Variants in TSHR observed in about 807,000 individuals in gnomAD.
TSHR encodes thyrotropin receptor.
A neutral mutation model predicts 64.1 loss-of-function variants in TSHR; 51 were observed. The observed-to-expected ratio is 0.80, with a 90% CI of 0.64 to 1.01. The LOEUF is 1.01. Ranked by LOEUF, TSHR falls within the 50% of genes least tolerant of loss-of-function variation. TSHR has a pLI of 0.00. For synonymous variants in TSHR, 361 were observed against 361.9 expected (o/e 1.00, Z 0.03); for missense variants, 877 against 942.8 (o/e 0.93, Z 0.91).
chr14:81,039,169 C>T (rs1884800359), intron 1 of TSHR, among the ~76,000 whole-genome samples: 1 of 151,838 alleles, frequency 6.6e-6, no homozygotes, highest in Non-Finnish European at 1.5e-5. Context: ...GAGAGTTCAC[C>T]ATGACCAACT....
At chr14:80,980,858 A>G (rs1342350508) in intron 1 of TSHR, among the ~76,000 whole-genome samples, 1 of 152,100 alleles carries the variant, frequency 6.6e-6, no homozygotes, top group African/African-American at 2.4e-5. Flanking sequence ...ATATATTTCC[A>G]GGCCACTATT....
intron 3 of TSHR, 191 bp from the exon 4 acceptor site, chr14:81,087,763 G>A: frequency 1.5e-6 from 1 of 650,230 alleles, no homozygotes; most frequent in Non-Finnish European, 2.8e-6. Context: ...GCAGCCATTG[G>A]GTCCCCGTGA....
In TSHR at chr14:81,092,483, G is replaced by A. The variant is rs548570734; in HGVS notation, c.468-48G>A. ...TATGCGCAGCAAGACCCCTGCTGCA[G>A]AAGGAAAGCATTTTTTCATTAAGTG... On this transcript the variant is annotated intron_variant, in intron 5 of 9. Transcript: ENST00000298171. The A allele has an allele frequency of 7.7e-6, 12 of 1,567,296 alleles. No homozygotes were observed. In the Admixed American group the frequency reaches 2.0e-4, roughly 26 times the overall value.
At chr14:81,120,183 AAAAAAAAT>A (rs1363373984) in intron 8 of TSHR, among the ~76,000 whole-genome samples, 2 of 151,714 alleles carry the variant, frequency 1.3e-5, no homozygotes, top group Non-Finnish European at 2.9e-5. Context: ...GTATAATAAT[AAAAAAAAT>A]AAAAAAATAA....
In TSHR at chr14:81,122,020, C is replaced by CTTTTTTTTTTTTTT. The variant is rs1161879777; in HGVS notation, c.692+13596_692+13609dup. 2.4e-4 allele frequency among the ~76,000 whole-genome samples: 11 copies of CTTTTTTTTTTTTTT among 44,904 alleles called. 4 individuals carry two copies. Among genetic ancestry groups the CTTTTTTTTTTTTTT allele is most frequent in the South Asian group, 1.9e-3 (2 of 1,042 alleles). 29.5% of individuals were successfully genotyped at this position (44,904 alleles called of 152,430 possible). ...CTGGTTTGAGATGTGTTTTCTTTTC[C>CTTTTTTTTTTTTTT]TTTTTTTTTTTTTTTTTTTTTTTTT... On this transcript the variant is annotated intron_variant, in intron 8 of 9. Coordinates refer to ENST00000298171, the MANE Select transcript of TSHR (RefSeq NM_000369.5).
At chr14:81,068,525 G>GT in intron 3 of TSHR, 197 bp downstream of exon 3, 1 of 567,972 alleles carries the variant, frequency 1.8e-6, no homozygotes. Flanking sequence ...ATGGTTGGAA[G>GT]TTAAAGACAA....
chr14:81,115,660 G>C (rs936864298), intron 8 of TSHR, among the ~76,000 whole-genome samples: 1 of 151,986 alleles, frequency 6.6e-6, no homozygotes, highest in Non-Finnish European at 1.5e-5. Flanking sequence ...CCAACGTTCA[G>C]ATTCAGGAAA....
intron 1 of TSHR, chr14:81,053,718 C>A (rs976696958): frequency 2.0e-5 from 3 of 152,094 alleles, no homozygotes; most frequent in African/African-American, 4.8e-5. Context: ...GATATTTACC[C>A]AAGAGCAATG....
chr14:81,070,079 C>G lies in TSHR; in HGVS notation c.317+1751C>G, dbSNP rs1036353409. On this transcript the variant is annotated intron_variant, in intron 3 of 9. Coordinates refer to ENST00000298171, the MANE Select transcript of TSHR (RefSeq NM_000369.5). ...GATAGGTCAGAAGACTATAATCAGTCTGAAGCATGGAGAGAAAGAGAAAAT... is the reference window on the plus strand; with the variant it reads ...GATAGGTCAGAAGACTATAATCAGTGTGAAGCATGGAGAGAAAGAGAAAAT... Among the ~76,000 whole-genome samples the G allele has an allele frequency of 3.9e-5, 6 of 151,984 alleles. No individual in the cohort carries two copies. The East Asian group carries it at 7.7e-4, about 20-fold the overall frequency.
At chr14:81,030,089 C>A (rs766216211) in intron 1 of TSHR, among the ~76,000 whole-genome samples, 7 of 152,096 alleles carry the variant, frequency 4.6e-5, no homozygotes, top group Non-Finnish European at 7.3e-5. Context: ...ATTACTGGAG[C>A]ATATTTATTG....
At chr14:81,063,551 T>G (rs930499817) in intron 2 of TSHR, among the ~76,000 whole-genome samples, 2 of 152,170 alleles carry the variant, frequency 1.3e-5, no homozygotes, top group Admixed American at 1.3e-4. Context: ...AACCTTGAAT[T>G]CTCCTTTAGC....
intron 1 of TSHR, among the ~76,000 whole-genome samples, chr14:81,020,193 T>C (rs1883668387): frequency 6.6e-6 from 1 of 152,240 alleles, no homozygotes; most frequent in Admixed American, 6.5e-5. Context: ...AATGACTGAA[T>C]GAGCAGCTAC....
chr14:81,107,955 A>G (rs1396030202), intron 7 of TSHR, among the ~76,000 whole-genome samples: 1 of 152,114 alleles, frequency 6.6e-6, no homozygotes, highest in Non-Finnish European at 1.5e-5. Context: ...CACCCTCACC[A>G]TCTTCATTCC....
At chr14:80,991,429 G>A in intron 1 of TSHR, 1 of 390,276 alleles carries the variant, frequency 2.6e-6, no homozygotes, top group Non-Finnish European at 4.5e-6. Flanking sequence ...AGGAAATAGA[G>A]AGACAAATTT....
intron 8 of TSHR, among the ~76,000 whole-genome samples, chr14:81,115,365 G>A (rs1449256791): frequency 2.7e-5 from 4 of 147,814 alleles, no homozygotes; most frequent in South Asian, 2.2e-4. Context: ...ACCAAGGCTC[G>A]AGAACTACAT....
chr14:81,080,955 T>G (rs946543571), intron 3 of TSHR, among the ~76,000 whole-genome samples: 1 of 152,222 alleles, frequency 6.6e-6, no homozygotes, highest in Admixed American at 6.5e-5. Flanking sequence ...GTTTCGGAGT[T>G]AATTATTTAT....
intron 1 of TSHR, chr14:81,050,116 A>G (rs1274257863): frequency 6.6e-6 from 1 of 152,242 alleles, no homozygotes; most frequent in Non-Finnish European, 1.5e-5. Context: ...ATAAAGACAT[A>G]TAAAATCTCT....
At chr14:81,132,758 C>T (rs1252627942) in intron 8 of TSHR, among the ~76,000 whole-genome samples, 1 of 152,024 alleles carries the variant, frequency 6.6e-6, no homozygotes, top group Non-Finnish European at 1.5e-5. Flanking sequence ...AGAGGGAAGC[C>T]CTCCAGCTTG....
intron 1 of TSHR, among the ~76,000 whole-genome samples, chr14:81,048,893 T>C: frequency 6.6e-6 from 1 of 152,214 alleles, no homozygotes; most frequent in East Asian, 1.9e-4. Context: ...TTCTTAAATG[T>C]ATATATAGTT....
Sources: gnomAD v4.1 joint callset for allele counts (sites outside exome capture counted in the v4.1 genomes callset) on GRCh38, gnomAD v4.1.1 for gene constraint, MANE v1.5 for transcripts, NCBI Gene and HGNC (gene_info 2026-07-23, HGNC 2026-07-21) for gene names.